PRR15: variants seen among roughly 807,000 people sequenced by gnomAD.
The protein encoded by PRR15 is proline-rich protein 15.
PRR15 carries 4 observed loss-of-function variants against 3.0 expected under a neutral mutation model. The ratio of observed to expected loss-of-function variants is 1.34; its 90% CI spans 0.66 to 3.08. The LOEUF is 3.08. PRR15 is among the 30% of genes most tolerant of loss of function. The pLI is 0.01. For synonymous variants in PRR15, 82 were observed against 79.8 expected (o/e 1.03, Z -0.14); for missense variants, 200 against 179.5 (o/e 1.11, Z -0.65).
In PRR15 at chr7:29,564,368, G is replaced by A. The variant is rs1269255789; in HGVS notation, c.-155G>A. 6.6e-6 allele frequency: 1 copy of A among 152,242 alleles called. No homozygotes were observed. The highest frequency in any genetic ancestry group is 1.5e-5 in the Non-Finnish European group (1 of 68,132). The allele number at this position is 152,242 out of a possible 1,614,324, so 9.4% of individuals were successfully genotyped here. On this transcript the variant is annotated 5_prime_UTR_variant, in exon 1 of 2. Transcript: ENST00000319694. ...GCGCGAGGCCTCCGGGTCCTGTTAA[G>A]CCCGAGCAGGTGAGCGACTGGGGGT...
intron 1 of PRR15, 22 bp from the exon 2 acceptor site, chr7:29,566,163 C>G: frequency 1.3e-6 from 1 of 796,338 alleles, no homozygotes; most frequent in South Asian, 1.8e-5. Context: ...ACCCAGTAAC[C>G]AAGTTTTGTT....
In PRR15 at chr7:29,564,305, C is replaced by G. The variant is rs1792833751; in HGVS notation, c.-218C>G. On this transcript the variant is annotated 5_prime_UTR_variant, in exon 1 of 2. Transcript: ENST00000319694. ...CTCGAGCCCCGGCTTCCAGGTTGAC[C>G]CGAGCGCGCCCCCTTCGTGCTCTCG... 6.6e-6 allele frequency: 1 copy of G among 152,370 alleles called. No individual in the cohort carries two copies. Among genetic ancestry groups the G allele is most frequent in the African/African-American group, 2.4e-5 (1 of 41,454 alleles). The allele number at this position is 152,370 out of a possible 1,614,324, so 9.4% of individuals were successfully genotyped here.
At position 29,566,128 on chromosome 7, in the gene PRR15, T is replaced by TG. The variant is rs34363119; in HGVS notation, c.-145-49dup. The TG allele has an allele frequency of 5.6e-3, 3,544 of 631,204 alleles. 25 individuals carry two copies. The highest frequency in any genetic ancestry group is 0.03 in the East Asian group (1,053 of 35,294). The allele number at this position is 631,204 out of a possible 1,614,324, so 39.1% of individuals were successfully genotyped here. On this transcript the variant is annotated intron_variant, in intron 1 of 1. Coordinates refer to ENST00000319694, the MANE Select transcript of PRR15 (RefSeq NM_175887.3). ...GACAGCATAAGGGAGGAAAGGGGAC[T>TG]GGGGGGGGCACGTGACTTCAACCAA...
chr7:29,565,198 A>G (rs1467205341), intron 1 of PRR15, among the ~76,000 whole-genome samples: 1 of 152,246 alleles, frequency 6.6e-6, no homozygotes, highest in Non-Finnish European at 1.5e-5. Context: ...GGGGGGTCTT[A>G]GAAGCTTGGG....
In PRR15 at chr7:29,566,980, T is replaced by C. The variant is rs1213240298; in HGVS notation, c.*261T>C. On this transcript the variant is annotated 3_prime_UTR_variant, in exon 2 of 2. Coordinates refer to ENST00000319694, the MANE Select transcript of PRR15 (RefSeq NM_175887.3). ...CTGCCGCGGAGGAGGGTGGCATAAT[T>C]ATTTTTTTTTCAAAAAGCTATTCTG... is the stretch of plus-strand genomic sequence containing the variant. 5 of 295,438 alleles carry C rather than the reference T, an allele frequency of 1.7e-5. No individual in the cohort carries two copies. In the African/African-American group the frequency reaches 1.8e-4, roughly 11 times the overall value. The allele number at this position is 295,438 out of a possible 1,614,324, so 18.3% of individuals were successfully genotyped here.
chr7:29,566,383 C>T lies in PRR15; in HGVS notation c.54C>T (p.Thr18=), dbSNP rs746754673. The change falls in exon 2 of 2, where the codon ACC becomes ACT. Residue 18 remains threonine, a synonymous_variant. Transcript: ENST00000319694. ...CCGGCCCCTGGTGGAAATCGCTCACCAACAGCAGAAAGAAAAGCAAGGAAG... is the reference window on the plus strand; with the variant it reads ...CCGGCCCCTGGTGGAAATCGCTCACTAACAGCAGAAAGAAAAGCAAGGAAG... The part of the protein sequence containing the change: ...GSSGPWWKSL[T]NSRKKSKEAA... 9 of 1,610,966 alleles carry T rather than the reference C, an allele frequency of 5.6e-6. No homozygotes were observed. The highest frequency in any genetic ancestry group is 2.2e-5 in the South Asian group (2 of 90,952).
intron 1 of PRR15, chr7:29,565,611 AG>A (rs1467334603): frequency 1.3e-5 from 2 of 152,232 alleles, no homozygotes; most frequent in Admixed American, 6.5e-5. Flanking sequence ...AATTCTCCTA[AG>A]TATCTCATCG....
chr7:29,566,380 C>A lies in PRR15; in HGVS notation c.51C>A (p.Leu17=). ...AGSSGPWWKS[L]TNSRKKSKEA... Reference sequence around the variant, plus strand: ...GCTCCGGCCCCTGGTGGAAATCGCTCACCAACAGCAGAAAGAAAAGCAAGG... The same window carrying A: ...GCTCCGGCCCCTGGTGGAAATCGCTAACCAACAGCAGAAAGAAAAGCAAGG... Residue 17 remains leucine (L), a synonymous_variant, in exon 2 of 2, where the codon CTC becomes CTA. Coordinates refer to ENST00000319694, the MANE Select transcript of PRR15 (RefSeq NM_175887.3). The A allele has an allele frequency of 6.2e-7, 1 of 1,610,794 alleles. No individual in the cohort carries two copies. The highest frequency in any genetic ancestry group is 8.5e-7 in the Non-Finnish European group (1 of 1,179,614).
rs763435517 is a variant in PRR15 at position 29,566,726 on chromosome 7, T to C, written c.*7T>C. On this transcript the variant is annotated 3_prime_UTR_variant, in exon 2 of 2. Coordinates refer to ENST00000319694, the MANE Select transcript of PRR15 (RefSeq NM_175887.3). ...CCACGAGGACAAGCAGTAGCCCCAA[T>C]AGCCTGCGCGCTCCAGGACTGCCTA... is the stretch of plus-strand genomic sequence containing the variant. The C allele has an allele frequency of 6.5e-7, 1 of 1,544,430 alleles. No homozygotes were observed. The highest frequency in any genetic ancestry group is 1.2e-5 in the South Asian group (1 of 82,178).
Position 29,566,758 on chromosome 7 carries a change from A to C in PRR15, c.*39A>C. 1.3e-6 allele frequency: 2 copies of C among 1,493,112 alleles called. No individual in the cohort carries two copies. Among genetic ancestry groups the C allele is most frequent in the Non-Finnish European group, 1.8e-6 (2 of 1,116,418 alleles). 92.5% of individuals were successfully genotyped at this position (1,493,112 alleles called of 1,614,324 possible). On this transcript the variant is annotated 3_prime_UTR_variant, in exon 2 of 2. Transcript: ENST00000319694. ...CGCGCTCCAGGACTGCCTACCCAGC[A>C]CTACCCCAAACCCCCAGTTCCAAAC...
At chr7:29,566,050 G>A (rs1211275268) in intron 1 of PRR15, 135 bp from the exon 2 acceptor site, 2 of 529,204 alleles carry the variant, frequency 3.8e-6, no homozygotes, top group African/African-American at 3.9e-5. Flanking sequence ...ATGCTAATGT[G>A]GGCTACGTAG....
rs1490293221 is a variant in PRR15, at chr7:29,566,507, C to T, written c.178C>T (p.Gln60Ter). Residue 60 changes from glutamine to a stop codon, truncating the protein, a stop_gained, in exon 2 of 2, where the codon CAG becomes TAG. Transcript: ENST00000319694. LOFTEE classifies it high-confidence loss of function. ...CTGGACCAGCAGCTCCCGGGAGAAC[C>T]AGCACCCCAATCTCCTCGGGGGCGC... is the stretch of plus-strand genomic sequence containing the variant. ...PDWTSSSRENQHPNLLGGAGE... is the reference protein window; with the variant it reads ...PDWTSSSREN 1.2e-6 allele frequency: 2 copies of T among 1,602,446 alleles called. No homozygotes were observed. The highest frequency in any genetic ancestry group is 1.7e-6 in the Non-Finnish European group (2 of 1,174,764).
intron 1 of PRR15, among the ~76,000 whole-genome samples, chr7:29,564,855 G>A (rs932766999): frequency 1.3e-5 from 2 of 152,204 alleles, no homozygotes; most frequent in African/African-American, 4.8e-5. Flanking sequence ...ATCCTGGGGA[G>A]GAGCCGGTGT....
rs769993549 is a variant in PRR15 at position 29,566,719 on chromosome 7, G to A, written c.390G>A (p.Ter130=). The change falls in exon 2 of 2, where the codon TAG becomes TAA. Residue 130 remains the stop codon, a stop_retained_variant. Coordinates refer to ENST00000319694, the MANE Select transcript of PRR15 (RefSeq NM_175887.3). The part of the protein sequence containing the change: ...FPGDPHEDKQ[*] ...GTGACCCCCACGAGGACAAGCAGTA[G>A]CCCCAATAGCCTGCGCGCTCCAGGA... 5 of 1,549,692 alleles carry A rather than the reference G, an allele frequency of 3.2e-6. No individual in the cohort carries two copies. The highest frequency in any genetic ancestry group is 3.8e-5 in the Admixed American group (2 of 52,208).
In PRR15 at chr7:29,566,380, C is replaced by T. The variant is rs1395994776; in HGVS notation, c.51C>T (p.Leu17=). The T allele has an allele frequency of 6.2e-7, 1 of 1,610,676 alleles. No homozygotes were observed. The highest frequency in any genetic ancestry group is 1.3e-5 in the African/African-American group (1 of 74,924). Reference sequence around the variant, plus strand: ...GCTCCGGCCCCTGGTGGAAATCGCTCACCAACAGCAGAAAGAAAAGCAAGG... The same window carrying T: ...GCTCCGGCCCCTGGTGGAAATCGCTTACCAACAGCAGAAAGAAAAGCAAGG... ...AGSSGPWWKS[L]TNSRKKSKEA... Residue 17 remains leucine (L), a synonymous_variant, in exon 2 of 2, where the codon CTC becomes CTT. Transcript: ENST00000319694.
Position 29,566,438 on chromosome 7 carries a change from C to G in PRR15, c.109C>G (p.Pro37Ala). Residue 37 changes from proline (P) to alanine (A), a missense_variant, in exon 2 of 2, where the codon CCC (proline) becomes GCC (alanine). Physicochemically the swap from Pro to Ala is conservative, Grantham distance 27. Coordinates refer to ENST00000319694, the MANE Select transcript of PRR15 (RefSeq NM_175887.3). ...AGTGGGGGTGCCGCCTCCCGCCCAG[C>G]CCGCTCCCGGGGAGCCCACGCCACC... The part of the protein sequence containing the change: ...AAVGVPPPAQ[P>A]APGEPTPPAP... 6.2e-7 allele frequency: 1 copy of G among 1,605,438 alleles called. No homozygotes were observed.
In PRR15 at chr7:29,566,500, G is replaced by A. The variant is rs977901562; in HGVS notation, c.171G>A (p.Arg57=). The change falls in exon 2 of 2, where the codon CGG becomes CGA. Residue 57 remains arginine (R), a synonymous_variant. Coordinates refer to ENST00000319694, the MANE Select transcript of PRR15 (RefSeq NM_175887.3). ...GCCCGGACTGGACCAGCAGCTCCCG[G>A]GAGAACCAGCACCCCAATCTCCTCG... ...PPSPDWTSSS[R]ENQHPNLLGG... The A allele has an allele frequency of 1.9e-6, 3 of 1,600,680 alleles. No homozygotes were observed. The highest frequency in any genetic ancestry group is 1.7e-6 in the Non-Finnish European group (2 of 1,173,950).
intron 1 of PRR15, chr7:29,565,568 C>T (rs949020843): frequency 6.6e-6 from 1 of 152,214 alleles, no homozygotes; most frequent in African/African-American, 2.4e-5. Context: ...AAACAAATAT[C>T]ATAAGCTTGT....
At chr7:29,566,119 A>G in intron 1 of PRR15, 66 bp from the exon 2 acceptor site, 1 of 619,782 alleles carries the variant, frequency 1.6e-6, no homozygotes, top group Non-Finnish European at 2.8e-6. Flanking sequence ...ATAAGGGAGG[A>G]AAGGGGACTG....
Sources: allele counts gnomAD v4.1 joint callset (sites outside exome capture counted in the v4.1 genomes callset), GRCh38; gene constraint gnomAD v4.1.1; transcripts MANE v1.5; gene names NCBI Gene and HGNC (gene_info 2026-07-23, HGNC 2026-07-21).